The following TNK2 variants were observed in gnomAD, a reference collection of about 807,000 sequenced individuals.
The protein encoded by TNK2 is activated CDC42 kinase 1.
Under a neutral mutation model 101.8 loss-of-function variants are expected in TNK2, and 83 were observed. The observed-to-expected ratio is 0.82, with a 90% CI of 0.68 to 0.98. The LOEUF is 0.98. TNK2 is among the 50% of genes least tolerant of loss of function. The probability of loss-of-function intolerance (pLI) is 0.00; values close to 1 mark genes in which losing one functional copy is unlikely to be tolerated. For synonymous variants in TNK2, 804 were observed against 633.0 expected (o/e 1.27, Z -4.06); for missense variants, 1,665 against 1,483.2 (o/e 1.12, Z -2.01).
chr3:195,870,561 G>C (rs1051772654), intron 10 of TNK2, among the ~76,000 whole-genome samples: 10 of 152,250 alleles, frequency 6.6e-5, no homozygotes, highest in South Asian at 2.1e-4. Context: ...GAGGGCCTAA[G>C]AACGGGGCAT....
chr3:195,888,403 A>G lies in TNK2; in HGVS notation c.163+23T>C. The G allele has an allele frequency of 6.2e-7, 1 of 1,608,802 alleles. No individual in the cohort carries two copies. Among genetic ancestry groups the G allele is most frequent in the Non-Finnish European group, 8.5e-7 (1 of 1,176,380 alleles). On this transcript the variant is annotated intron_variant, in intron 2 of 15. Coordinates refer to ENST00000672887, the MANE Select transcript of TNK2 (RefSeq NM_001382273.1). This position sits in a 1 kb window ranked among gnomAD's most constrained non-coding sequence, Gnocchi z 5.3. ...GACGGAAAGGGTCAGGGGCAAGACA[A>G]GCCAGGCCAACATCCCACCTACCAG... is the stretch of plus-strand genomic sequence containing the variant.
chr3:195,882,433 G>A lies in TNK2; in HGVS notation c.610-105C>T. 4 of 1,564,016 alleles carry A rather than the reference G, an allele frequency of 2.6e-6. No individual in the cohort carries two copies. The highest frequency in any genetic ancestry group is 3.5e-6 in the Non-Finnish European group (4 of 1,154,862). On this transcript the variant is annotated intron_variant, in intron 5 of 15. Coordinates refer to ENST00000672887, the MANE Select transcript of TNK2 (RefSeq NM_001382273.1). This position sits in a 1 kb window ranked among gnomAD's most constrained non-coding sequence, Gnocchi z 4.2. ...CCTTCCTGAAGGCTTTCCAGAGCCA[G>A]GCTGCACGCACCTTCCTGGCCTGCT...
intron 1 of TNK2, among the ~76,000 whole-genome samples, chr3:195,891,593 C>T (rs1758461231): frequency 6.6e-6 from 1 of 152,176 alleles, no homozygotes. Context: ...GAGTCACGGG[C>T]CTAGGCAGCG....
intron 1 of TNK2, among the ~76,000 whole-genome samples, chr3:195,896,985 G>A (rs1760638994): frequency 6.6e-6 from 1 of 152,150 alleles, no homozygotes; most frequent in South Asian, 2.1e-4. Context: ...GTATTCTCAG[G>A]AATATATGCC....
At position 195,868,915 on chromosome 3, in the gene TNK2, G is replaced by A. The variant is rs545313400; in HGVS notation, c.1589-206C>T. ...CAGGAGGGCGGAACCTGCTCTGCCCGGCAGCCCCATGTGGGCCGGTGAGCC... is the reference window on the plus strand; with the variant it reads ...CAGGAGGGCGGAACCTGCTCTGCCCAGCAGCCCCATGTGGGCCGGTGAGCC... On this transcript the variant is annotated intron_variant, in intron 12 of 15. Transcript: ENST00000672887. 76 of 595,100 alleles carry A rather than the reference G, an allele frequency of 1.3e-4. No individual in the cohort carries two copies. In the Middle Eastern group the frequency reaches 1.4e-3, roughly 11 times the overall value. The allele number at this position is 595,100 out of a possible 1,614,324, so 36.9% of individuals were successfully genotyped here.
intron 12 of TNK2, chr3:195,868,954 T>C: frequency 1.8e-6 from 1 of 544,758 alleles, no homozygotes; most frequent in Non-Finnish European, 3.2e-6. Flanking sequence ...CCTCGCTCCG[T>C]CTAAGCTGCA....
At chr3:195,897,177 G>A (rs143205499) in intron 1 of TNK2, among the ~76,000 whole-genome samples, 11 of 152,342 alleles carry the variant, frequency 7.2e-5, no homozygotes, top group African/African-American at 1.2e-4. Context: ...CCCTCTGTGC[G>A]CAGAGCCCAG....
At chr3:195,864,989 C>T (rs34382127) in intron 15 of TNK2, among the ~76,000 whole-genome samples, 12,197 of 58,256 alleles carry the variant, frequency 0.21, 2,240 homozygotes, top group Non-Finnish European at 0.24. Context: ...CCCGAGACAG[C>T]GACAGACAGG....
intron 9 of TNK2, among the ~76,000 whole-genome samples, chr3:195,875,408 C>T (rs12496236): frequency 1.2e-4 from 7 of 59,854 alleles, no homozygotes; most frequent in Admixed American, 3.0e-4. Context: ...ACGCACGCTC[C>T]GAGGCACAAG....
In TNK2 at chr3:195,878,722, T is replaced by C. The variant is rs1560506204; in HGVS notation, c.1015-130A>G. 1 of 1,371,950 alleles carries C rather than the reference T, an allele frequency of 7.3e-7. No homozygotes were observed. 85.0% of individuals were successfully genotyped at this position (1,371,950 alleles called of 1,614,324 possible). Reference sequence around the variant, plus strand: ...CTGGCCTCCAAAGAAGGGATCTGCCTGCCTGGGAGGGGCCCTCTCCAGAGC... The same window carrying C: ...CTGGCCTCCAAAGAAGGGATCTGCCCGCCTGGGAGGGGCCCTCTCCAGAGC... On this transcript the variant is annotated intron_variant, in intron 7 of 15. Coordinates refer to ENST00000672887, the MANE Select transcript of TNK2 (RefSeq NM_001382273.1). The surrounding 1 kb of genome is among the most constrained non-coding windows in gnomAD (Gnocchi z 4.7).
At chr3:195,894,425 C>T (rs992746796) in intron 1 of TNK2, 3 of 148,290 alleles carry the variant, frequency 2.0e-5, no homozygotes, top group Admixed American at 6.8e-5. Flanking sequence ...ACCCCCACCC[C>T]CTTTTTTTTT....
rs1758863491 is a variant in TNK2 at position 195,892,357 on chromosome 3, G to A, written c.-18-3751C>T. ...GCTTTCTGCCTCTCAGTCAAGTGCT[G>A]GTGCTGAGGAGCCCAACCAGTCCCC... On this transcript the variant is annotated intron_variant, in intron 1 of 15. Transcript: ENST00000672887. 4 of 1,460,168 alleles carry A rather than the reference G, an allele frequency of 2.7e-6. No individual in the cohort carries two copies. In the South Asian group the frequency reaches 5.1e-5, roughly 19 times the overall value. The allele number at this position is 1,460,168 out of a possible 1,614,324, so 90.5% of individuals were successfully genotyped here.
rs778244722 is a variant in TNK2 at position 195,867,018 on chromosome 3, TG to T, written c.3034-3del. On this transcript the variant is annotated splice_polypyrimidine_tract_variant and splice_region_variant and intron_variant, in intron 14 of 15. Coordinates refer to ENST00000672887, the MANE Select transcript of TNK2 (RefSeq NM_001382273.1). ...ACCCAGCCCGAAGAGCTGCTCCACC[TG>T]GGGGTAAGGGTGGCGCCATGGACAC... 6.8e-6 allele frequency: 11 copies of T among 1,612,854 alleles called. No individual in the cohort carries two copies. In the African/African-American group the frequency reaches 1.2e-4, roughly 18 times the overall value.
chr3:195,873,825 G>T (rs1052380910), intron 9 of TNK2, among the ~76,000 whole-genome samples: 1 of 151,988 alleles, frequency 6.6e-6, no homozygotes, highest in East Asian at 1.9e-4. Context: ...GCGGGGAGGC[G>T]GGGGGCGCGG....
At position 195,879,150 on chromosome 3, in the gene TNK2, G is replaced by A. The variant is rs780777204; in HGVS notation, c.913C>T (p.Arg305Cys). 2.5e-6 allele frequency: 4 copies of A among 1,613,628 alleles called. No individual in the cohort carries two copies. The highest frequency in any genetic ancestry group is 1.1e-5 in the South Asian group (1 of 91,082). ...AWCAPESLKT[R>C]TFSHASDTWM... ...GTGTCGCTGGCATGGGAGAAGGTGC[G>A]TGTCTTCAGGCTCTCGGGGGCACAC... The change falls in exon 7 of 16, where the codon CGC becomes TGC. Residue 305 changes from arginine to cysteine, a missense_variant. Arg to Cys is a radical substitution (Grantham distance 180). Around this residue, in one of 3 missense-constraint regions of TNK2, gnomAD observed 490 missense variants for 522.5 expected, o/e 0.94. Transcript: ENST00000672887.
At chr3:195,870,053 A>T in intron 11 of TNK2, 61 bp downstream of exon 11, 1 of 1,275,058 alleles carries the variant, frequency 7.8e-7, no homozygotes, top group Non-Finnish European at 1.1e-6. Context: ...GCCTGTGAAG[A>T]CAGTGCCCCT....
rs762645668 is a variant in TNK2, at chr3:195,864,014, G to T, written c.*167C>A. 8.4e-6 allele frequency: 7 copies of T among 832,188 alleles called. No individual in the cohort carries two copies. Among genetic ancestry groups the T allele is most frequent in the South Asian group, 1.6e-5 (1 of 62,556 alleles). The allele number at this position is 832,188 out of a possible 1,614,324, so 51.6% of individuals were successfully genotyped here. A position where few individuals can be genotyped will look rare whatever the true frequency, so the allele number is the denominator to read the frequency against. ...GGACAGCGCTGGTGCAGGAGGGATG[G>T]GCAGGGCAGGGCTCCCAGCCTCCCG... On this transcript the variant is annotated 3_prime_UTR_variant, in exon 16 of 16. Coordinates refer to ENST00000672887, the MANE Select transcript of TNK2 (RefSeq NM_001382273.1).
chr3:195,875,880 C>A (rs995795818), intron 9 of TNK2, among the ~76,000 whole-genome samples: 10 of 152,222 alleles, frequency 6.6e-5, no homozygotes, highest in Non-Finnish European at 1.5e-4. Context: ...CTGAGAACTG[C>A]CTAAGGCTGC....
At chr3:195,887,768 T>C (rs913206332) in intron 2 of TNK2, among the ~76,000 whole-genome samples, 2 of 139,438 alleles carry the variant, frequency 1.4e-5, no homozygotes, top group Non-Finnish European at 3.0e-5. Context: ...TGCGCACGTG[T>C]GTGCGTCTGC....
Sources: gnomAD v4.1 joint callset for allele counts (sites outside exome capture counted in the v4.1 genomes callset) on GRCh38, gnomAD v4.1.1 for gene constraint, gnomAD v4.1.1 regional missense constraint, Gnocchi (gnomAD v3.1) non-coding constraint, MANE v1.5 for transcripts, NCBI Gene and HGNC (gene_info 2026-07-23, HGNC 2026-07-21) for gene names.